FAM110B: variants seen among roughly 807,000 people sequenced by gnomAD.
The protein encoded by FAM110B is protein FAM110B.
Under a neutral mutation model 20.4 loss-of-function variants are expected in FAM110B, and 6 were observed. That is an observed-to-expected ratio of 0.29 (90% CI 0.16 to 0.58). The LOEUF (loss-of-function observed/expected upper bound fraction) is 0.58. Ranked by LOEUF, FAM110B falls within the 20% of genes least tolerant of loss-of-function variation. The pLI is 0.90. For missense variants in FAM110B, 434 were observed against 498.2 expected (o/e 0.87, Z 1.23); for synonymous variants, 226 against 214.1 (o/e 1.06, Z -0.49).
intron 3 of FAM110B, among the ~76,000 whole-genome samples, chr8:58,139,797 G>A (rs988413973): frequency 4.6e-5 from 7 of 152,114 alleles, no homozygotes; most frequent in Non-Finnish European, 1.0e-4. Context: ...GGGCATGGTG[G>A]CAGCTGCCTG....
At chr8:58,101,684 G>A (rs1563370522) in intron 3 of FAM110B, among the ~76,000 whole-genome samples, 1 of 151,788 alleles carries the variant, frequency 6.6e-6, no homozygotes, top group Admixed American at 6.6e-5. Context: ...TATGTTTCAT[G>A]TTTCAAGAAT....
intron 2 of FAM110B, among the ~76,000 whole-genome samples, chr8:58,051,329 G>GA (rs1805436766): frequency 6.6e-6 from 1 of 152,212 alleles, no homozygotes; most frequent in Admixed American, 6.5e-5. Context: ...GATTAACCTT[G>GA]AAGCTGTGTG....
chr8:58,125,064 GAGGCC>G (rs1807462695), intron 3 of FAM110B, among the ~76,000 whole-genome samples: 1 of 152,104 alleles, frequency 6.6e-6, no homozygotes, highest in African/African-American at 2.4e-5. Context: ...AAATATTATT[GAGGCC>G]AGGTGCAGTG....
In FAM110B at chr8:58,146,677, G is replaced by A. The variant is rs758379762; in HGVS notation, c.447G>A (p.Ser149=). The change falls in exon 4 of 4, where the codon TCG becomes TCA. Residue 149 remains serine, a synonymous_variant. Coordinates refer to ENST00000519262, the MANE Select transcript of FAM110B (RefSeq NM_001377989.1). ...CCCGCAACTGGCCGCCCCACCGGTC[G>A]GAAGCCACTGACCTGCACCGTCACT... ...HSSRNWPPHR[S]EATDLHRHSF... 2.2e-5 allele frequency: 36 copies of A among 1,612,508 alleles called. No individual in the cohort carries two copies. In the South Asian group the frequency reaches 4.0e-4, roughly 18 times the overall value.
chr8:58,068,459 G>A (rs1011796084), intron 2 of FAM110B, among the ~76,000 whole-genome samples: 1 of 152,172 alleles, frequency 6.6e-6, no homozygotes, highest in East Asian at 1.9e-4. Flanking sequence ...CCAACAGTTT[G>A]TGGTACACAA....
chr8:58,099,729 G>A (rs1005695526), intron 3 of FAM110B, among the ~76,000 whole-genome samples: 2 of 119,512 alleles, frequency 1.7e-5, no homozygotes, highest in African/African-American at 3.1e-5. Context: ...ATATCAAACT[G>A]TGTTGTCATT....
chr8:58,135,491 T>G (rs568368237), intron 3 of FAM110B, among the ~76,000 whole-genome samples: 79 of 152,358 alleles, frequency 5.2e-4, no homozygotes, highest in Non-Finnish European at 1.1e-3. Flanking sequence ...TTTCATAATT[T>G]TATTATAACA....
In FAM110B at chr8:58,050,210, T is replaced by C. The variant is rs73681778; in HGVS notation, c.-414+18507T>C. The stretch of plus-strand genomic sequence containing the variant: ...ATTCTTCAGCAACCTCTTATACTTT[T>C]CTTTTTTTTTTTAACATGTTCACAT... On this transcript the variant is annotated intron_variant, in intron 2 of 3. Transcript: ENST00000519262. Among the ~76,000 whole-genome samples, 1,058 of 149,636 alleles carry C rather than the reference T, an allele frequency of 7.1e-3. 22 individuals carry two copies. The highest frequency in any genetic ancestry group is 0.026 in the African/African-American group (1,014 of 39,050).
intron 3 of FAM110B, among the ~76,000 whole-genome samples, chr8:58,136,755 AT>A (rs1260274124): frequency 1.3e-5 from 2 of 152,096 alleles, no homozygotes; most frequent in Non-Finnish European, 2.9e-5. Flanking sequence ...GAAATGTGAA[AT>A]TTTTTTCTGA....
intron 3 of FAM110B, among the ~76,000 whole-genome samples, chr8:58,110,686 A>G (rs1807036771): frequency 6.6e-6 from 1 of 152,198 alleles, no homozygotes; most frequent in African/African-American, 2.4e-5. Flanking sequence ...ATTATTGGTC[A>G]ACTATTACAT....
chr8:58,053,233 A>G (rs1805489381), intron 2 of FAM110B, among the ~76,000 whole-genome samples: 1 of 152,196 alleles, frequency 6.6e-6, no homozygotes, highest in Non-Finnish European at 1.5e-5. Flanking sequence ...AGCTACAGAC[A>G]TAGATTGCAA....
chr8:58,054,779 C>T (rs1805517506), intron 2 of FAM110B, among the ~76,000 whole-genome samples: 1 of 152,078 alleles, frequency 6.6e-6, no homozygotes, highest in Non-Finnish European at 1.5e-5. Context: ...AGCAAAAGAC[C>T]TCTACCTGTA....
chr8:58,011,381 A>G (rs968510313), intron 1 of FAM110B, among the ~76,000 whole-genome samples: 1 of 152,168 alleles, frequency 6.6e-6, no homozygotes, highest in Non-Finnish European at 1.5e-5. Flanking sequence ...TCCTTTTCTA[A>G]TAAGCAACTG....
chr8:58,136,874 T>C (rs1803632435), intron 3 of FAM110B, among the ~76,000 whole-genome samples: 1 of 152,354 alleles, frequency 6.6e-6, no homozygotes, highest in African/African-American at 2.4e-5. Flanking sequence ...AGCATGTGGA[T>C]GACTTCTCTA....
intron 3 of FAM110B, among the ~76,000 whole-genome samples, chr8:58,099,664 T>C (rs903159102): frequency 5.9e-5 from 9 of 152,226 alleles, no homozygotes; most frequent in African/African-American, 1.4e-4. Flanking sequence ...CTTATTGTTA[T>C]TTCATACCAA....
chr8:58,053,443 GAA>G (rs1398044577), intron 2 of FAM110B, among the ~76,000 whole-genome samples: 1 of 151,774 alleles, frequency 6.6e-6, no homozygotes, highest in Non-Finnish European at 1.5e-5. Flanking sequence ...ACAGAAGAAA[GAA>G]GAATGTGGTG....
Position 58,146,296 on chromosome 8 carries a change from C to T in FAM110B, c.66C>T (p.Thr22=), listed in dbSNP as rs1803862063. ...VKPVSPAGTF[T]SAVPLRILNK... ...CGGTCAGCCCCGCGGGCACCTTCAC[C>T]TCTGCTGTGCCCCTGCGCATCCTGA... Residue 22 remains threonine (T), a synonymous_variant, in exon 4 of 4, where the codon ACC becomes ACT. Coordinates refer to ENST00000519262, the MANE Select transcript of FAM110B (RefSeq NM_001377989.1). 4 of 1,613,782 alleles carry T rather than the reference C, an allele frequency of 2.5e-6. No homozygotes were observed. In the South Asian group the frequency reaches 4.4e-5, roughly 18 times the overall value.
intron 3 of FAM110B, chr8:58,098,776 G>C (rs1806700361): frequency 6.6e-6 from 1 of 152,240 alleles, no homozygotes; most frequent in African/African-American, 2.4e-5. Context: ...CCTTGGCTAG[G>C]GGAGGGAGTT....
intron 1 of FAM110B, among the ~76,000 whole-genome samples, chr8:58,012,879 C>T (rs1804566904): frequency 6.6e-6 from 1 of 152,144 alleles, no homozygotes; most frequent in Non-Finnish European, 1.5e-5. Context: ...GGTATCCTCC[C>T]CAGTCTGTTC....
Sources: gnomAD v4.1 joint callset for allele counts (sites outside exome capture counted in the v4.1 genomes callset) on GRCh38, gnomAD v4.1.1 for gene constraint, MANE v1.5 for transcripts, NCBI Gene and HGNC (gene_info 2026-07-23, HGNC 2026-07-21) for gene names.